TNRC6B: variants seen among roughly 807,000 people sequenced by gnomAD.
The protein encoded by TNRC6B is trinucleotide repeat-containing gene 6B protein.
In TNRC6B, 52 loss-of-function variants were observed where a neutral mutation model predicts 203.6. The observed-to-expected ratio is 0.26, with a 90% CI of 0.20 to 0.32. The LOEUF (loss-of-function observed/expected upper bound fraction) is 0.32. Among genes scored for constraint, TNRC6B ranks in the 10% least tolerant of loss-of-function variants. The pLI is 1.00. For missense variants in TNRC6B, 1,923 were observed against 2,286.2 expected (o/e 0.84, Z 3.24); for synonymous variants, 838 against 845.7 (o/e 0.99, Z 0.16).
At chr22:40,100,294 T>A (rs187932178) in intron 1 of TNRC6B, among the ~76,000 whole-genome samples, 1 of 151,834 alleles carries the variant, frequency 6.6e-6, no homozygotes, top group East Asian at 1.9e-4. Flanking sequence ...CTCGCCATGT[T>A]GCCTAGGCTG....
intron 11 of TNRC6B, among the ~76,000 whole-genome samples, 186 bp downstream of exon 11, chr22:40,281,475 G>A (rs1036138696): frequency 1.3e-5 from 2 of 150,026 alleles, no homozygotes; most frequent in African/African-American, 4.9e-5. Context: ...TTTTCAACAC[G>A]GATTTTATTT....
chr22:40,248,353 A>G (rs1274922193), intron 2 of TNRC6B, among the ~76,000 whole-genome samples: 1 of 152,210 alleles, frequency 6.6e-6, no homozygotes, highest in Non-Finnish European at 1.5e-5. Flanking sequence ...AGTTGATACA[A>G]AAATCGGATT....
chr22:40,185,274 C>G (rs189016960), intron 1 of TNRC6B, among the ~76,000 whole-genome samples: 31 of 152,250 alleles, frequency 2.0e-4, no homozygotes, highest in East Asian at 1.4e-3. Flanking sequence ...CAGGTGTGAG[C>G]CACCACACCT....
chr22:40,241,555 A>G (rs191860354), intron 1 of TNRC6B, among the ~76,000 whole-genome samples: 1 of 152,200 alleles, frequency 6.6e-6, no homozygotes, highest in Non-Finnish European at 1.5e-5. Flanking sequence ...CTTTGATGGT[A>G]TTCAGGTTAA....
At position 40,328,539 on chromosome 22, in the gene TNRC6B, T is replaced by G. The variant is rs2071429490; in HGVS notation, c.*5298T>G. 1 of 152,212 alleles carries G rather than the reference T, an allele frequency of 6.6e-6. No homozygotes were observed. Among genetic ancestry groups the G allele is most frequent in the African/African-American group, 2.4e-5 (1 of 41,452 alleles). 9.4% of individuals were successfully genotyped at this position (152,212 alleles called of 1,614,324 possible). ...ATTCACTCATTTTTACCACTTTTTT[T>G]TTTGGGTGAGGGGGTGATTTTTGTA... On this transcript the variant is annotated 3_prime_UTR_variant, in exon 23 of 23. Coordinates refer to ENST00000454349, the MANE Select transcript of TNRC6B (RefSeq NM_001162501.2).
chr22:40,245,494 T>C (rs572857024), intron 1 of TNRC6B, among the ~76,000 whole-genome samples: 1 of 152,050 alleles, frequency 6.6e-6, no homozygotes, highest in Admixed American at 6.5e-5. Context: ...ATAAAACATA[T>C]AGTATTAATA....
At chr22:40,170,025 A>G (rs1258187304) in intron 4 of TNRC6B, among the ~76,000 whole-genome samples, 1 of 151,832 alleles carries the variant, frequency 6.6e-6, no homozygotes, top group Non-Finnish European at 1.5e-5. Flanking sequence ...TAAGCCTATA[A>G]TCGTGGCACT....
chr22:40,312,841 G>T (rs367994761), intron 18 of TNRC6B, 61 bp from the exon 19 acceptor site: 11 of 1,527,092 alleles, frequency 7.2e-6, no homozygotes, highest in South Asian at 3.4e-5. Context: ...TACTCTCAAG[G>T]TTTCACTGGT....
chr22:40,051,031 G>A (rs1338945122), intron 1 of TNRC6B, among the ~76,000 whole-genome samples: 1 of 152,088 alleles, frequency 6.6e-6, no homozygotes, highest in African/African-American at 2.4e-5. Context: ...CACCATATTA[G>A]CCAGGCTGGT....
chr22:40,237,770 G>A (rs1306389672), intron 1 of TNRC6B, among the ~76,000 whole-genome samples: 3 of 152,010 alleles, frequency 2.0e-5, no homozygotes, highest in Non-Finnish European at 4.4e-5. Context: ...ACAGATGCCC[G>A]CTACGGACGC....
At chr22:40,258,182 T>G (rs1166740592) in intron 3 of TNRC6B, among the ~76,000 whole-genome samples, 1 of 147,196 alleles carries the variant, frequency 6.8e-6, no homozygotes, top group Non-Finnish European at 1.5e-5. Context: ...TAAGAAACTA[T>G]GCACTTACTT....
intron 4 of TNRC6B, among the ~76,000 whole-genome samples, chr22:40,172,564 TTCTG>T (rs1474843217): frequency 6.6e-6 from 1 of 152,236 alleles, no homozygotes; most frequent in Non-Finnish European, 1.5e-5. Context: ...AACTACTCAG[TTCTG>T]TCTGATAATA....
intron 15 of TNRC6B, among the ~76,000 whole-genome samples, chr22:40,303,279 G>A (rs999175185): frequency 1.3e-5 from 2 of 151,978 alleles, no homozygotes; most frequent in Non-Finnish European, 2.9e-5. Flanking sequence ...GCCCACCGTG[G>A]CCTCCCAAAG....
In TNRC6B at chr22:40,252,336, G is replaced by C. The variant is rs376257330; in HGVS notation, c.115+1136G>C. Among the ~76,000 whole-genome samples, 7 of 152,190 alleles carry C rather than the reference G, an allele frequency of 4.6e-5. No individual in the cohort carries two copies. In the South Asian group the frequency reaches 8.3e-4, roughly 18 times the overall value. ...TGAGAATCACTGCCTTAGATGAAGG[G>C]AATTAGATGTGACTGTGATGACTTG... On this transcript the variant is annotated intron_variant, in intron 3 of 22. Transcript: ENST00000454349.
intron 2 of TNRC6B, among the ~76,000 whole-genome samples, chr22:40,248,793 G>A (rs1048413626): frequency 1.3e-5 from 2 of 152,140 alleles, no homozygotes; most frequent in Non-Finnish European, 2.9e-5. Flanking sequence ...TATCGTTTTT[G>A]CTCAAAAATG....
chr22:40,290,764 G>T (rs780598199), intron 12 of TNRC6B, among the ~76,000 whole-genome samples: 6 of 152,030 alleles, frequency 3.9e-5, no homozygotes, highest in Non-Finnish European at 2.9e-5. Context: ...GGCCTGCTGT[G>T]TTCACTGCTG....
intron 21 of TNRC6B, among the ~76,000 whole-genome samples, chr22:40,317,828 AC>A (rs2071279592): frequency 6.6e-6 from 1 of 152,170 alleles, no homozygotes; most frequent in African/African-American, 2.4e-5. Context: ...GTCCATCACA[AC>A]CTTTACAACA....
chr22:40,232,657 A>C (rs2069889333), intron 1 of TNRC6B, among the ~76,000 whole-genome samples: 1 of 152,216 alleles, frequency 6.6e-6, no homozygotes, highest in Non-Finnish European at 1.5e-5. Flanking sequence ...GCGGGGAAAA[A>C]GCTTTCAAAT....
At chr22:40,125,929 A>G in intron 3 of TNRC6B, 1 of 1,466,964 alleles carries the variant, frequency 6.8e-7, no homozygotes, top group Non-Finnish European at 9.3e-7. Context: ...GATGAGTAGA[A>G]TGGGTATTTC....
Sources: allele counts gnomAD v4.1 joint callset (sites outside exome capture counted in the v4.1 genomes callset), GRCh38; gene constraint gnomAD v4.1.1; transcripts MANE v1.5; gene names NCBI Gene and HGNC (gene_info 2026-07-23, HGNC 2026-07-21).